Variants in OCRL observed in about 807,000 individuals in gnomAD.
OCRL encodes the protein inositol polyphosphate 5-phosphatase OCRL.
Under a neutral mutation model 78.9 loss-of-function variants are expected in OCRL, and 8 were observed. The observed-to-expected ratio is 0.10, with a 90% confidence interval of 0.06 to 0.18. The LOEUF is 0.18. Ranked by LOEUF, OCRL falls within the 10% of genes least tolerant of loss-of-function variation. OCRL has a pLI of 1.00. For synonymous variants in OCRL, 240 were observed against 235.4 expected (o/e 1.02, Z -0.18); for missense variants, 454 against 696.7 (o/e 0.65, Z 3.92).
At position 129,551,930 on chromosome X, in the gene OCRL, C is replaced by T. The variant is rs765559095; in HGVS notation, c.238+3329C>T. On this transcript the variant is annotated intron_variant, in intron 4 of 23. Coordinates refer to ENST00000371113, the MANE Select transcript of OCRL (RefSeq NM_000276.4). ...ACCAGGTAAAGGGAATCACAAGGCT[C>T]CAGGCTGGGAAGTAGCTTGACACTT... 1.1e-4 allele frequency among the ~76,000 whole-genome samples: 12 copies of T among 111,439 alleles called. No individual in the cohort carries two copies. The South Asian group carries it at 4.5e-3, about 42-fold the overall frequency.
rs765579520 is a variant in OCRL at position 129,564,136 on chromosome X, G to A, written c.1244+1350G>A. Among the ~76,000 whole-genome samples, 17 of 111,216 alleles carry A rather than the reference G, an allele frequency of 1.5e-4. No homozygotes were observed. In the South Asian group the frequency reaches 6.6e-3, roughly 43 times the overall value. ...CATGAAAAAATGCTCACCATCACTG[G>A]CCATCAGAGAAACGCAAATCAAAAC... On this transcript the variant is annotated intron_variant, in intron 12 of 23. Coordinates refer to ENST00000371113, the MANE Select transcript of OCRL (RefSeq NM_000276.4).
At chrX:129,541,112 G>GC (rs1264672358) in intron 2 of OCRL, among the ~76,000 whole-genome samples, 2 of 112,242 alleles carry the variant, frequency 1.8e-5, no homozygotes, top group African/African-American at 6.5e-5. Flanking sequence ...GTAACGTTGG[G>GC]CAAGTCAATA....
chrX:129,558,855 A>G lies in OCRL; in HGVS notation c.576A>G (p.Lys192=). The G allele has an allele frequency of 8.2e-7, 1 of 1,212,158 alleles. No individual in the cohort carries two copies. Among genetic ancestry groups the G allele is most frequent in the East Asian group, 3.0e-5 (1 of 33,873 alleles). ...FSVNKMLPRE[K]EASNKEQPKV... ...TATTTGCTAGGCTTCCACGTGAAAA[A>G]GAAGCTTCTAACAAGGAGCAGCCCA... Residue 192 remains lysine (K), a synonymous_variant, in exon 8 of 24, where the codon AAA becomes AAG. Transcript: ENST00000371113.
At chrX:129,544,919 T>C in intron 2 of OCRL, 39 bp from the exon 3 acceptor site, 1 of 849,757 alleles carries the variant, frequency 1.2e-6, no homozygotes, top group East Asian at 3.1e-5. Flanking sequence ...AAATGAGTTT[T>C]TCAGTGGCTG....
Position 129,540,263 on chromosome X carries a change from C to G in OCRL, c.-177C>G. 3.8e-6 allele frequency: 2 copies of G among 528,254 alleles called. No homozygotes were observed. The highest frequency in any genetic ancestry group is 6.3e-6 in the Non-Finnish European group (2 of 317,296). 43.5% of individuals were successfully genotyped at this position (528,254 alleles called of 1,213,427 possible). A position where few individuals can be genotyped will look rare whatever the true frequency, so the allele number is the denominator to read the frequency against. ...GCGGGGGCGCGAGGCGCCGCTCTCTCTTGGGTCAGATTCTCAGCTCCCAGC... is the reference window on the plus strand; with the variant it reads ...GCGGGGGCGCGAGGCGCCGCTCTCTGTTGGGTCAGATTCTCAGCTCCCAGC... On this transcript the variant is annotated 5_prime_UTR_variant, in exon 1 of 24. Coordinates refer to ENST00000371113, the MANE Select transcript of OCRL (RefSeq NM_000276.4).
In OCRL at chrX:129,591,347, G is replaced by A. The variant is rs1185245315; in HGVS notation, c.*1077G>A. ...TCTACAACCAGCTCCTTCACATAAA[G>A]GGTTTAGAGACTCCCCTTGGCTCCC... On this transcript the variant is annotated 3_prime_UTR_variant, in exon 24 of 24. Coordinates refer to ENST00000371113, the MANE Select transcript of OCRL (RefSeq NM_000276.4). The A allele has an allele frequency of 8.9e-6, 1 of 111,824 alleles. No individual in the cohort carries two copies. Among genetic ancestry groups the A allele is most frequent in the Non-Finnish European group, 1.9e-5 (1 of 53,199 alleles). 9.2% of individuals were successfully genotyped at this position (111,824 alleles called of 1,213,427 possible).
intron 4 of OCRL, among the ~76,000 whole-genome samples, chrX:129,555,000 T>TAAATAAATAAATAAAA (rs745690077): frequency 9.4e-5 from 9 of 95,576 alleles, no homozygotes; most frequent in African/African-American, 3.8e-4. Context: ...AATAAATAAA[T>TAAATAAATAAATAAAA]AAAAATAAGA....
chrX:129,555,469 G>A (rs1030781890), intron 4 of OCRL, among the ~76,000 whole-genome samples: 2 of 111,358 alleles, frequency 1.8e-5, no homozygotes, highest in Admixed American at 9.5e-5. Flanking sequence ...GCAAGACTCC[G>A]TCTCAAAAAA....
intron 16 of OCRL, 64 bp downstream of exon 16, chrX:129,575,314 A>G (rs1470181082): frequency 1.6e-5 from 12 of 768,491 alleles, no homozygotes; most frequent in Admixed American, 2.4e-5. Flanking sequence ...AGAAACTGCT[A>G]CTTAGAAAAG....
intron 3 of OCRL, 108 bp downstream of exon 3, chrX:129,545,145 G>A (rs775377176): frequency 1.0e-4 from 52 of 500,316 alleles, no homozygotes; most frequent in Non-Finnish European, 1.7e-4. Flanking sequence ...AAAATGAAAT[G>A]TATTACTCTT....
At chrX:129,547,238 A>G (rs1446239975) in intron 3 of OCRL, among the ~76,000 whole-genome samples, 2 of 110,479 alleles carry the variant, frequency 1.8e-5, no homozygotes, top group African/African-American at 6.6e-5. Flanking sequence ...AAAGAAAAAG[A>G]AAACCGGCTG....
At chrX:129,555,816 T>G (rs1936038974) in intron 4 of OCRL, among the ~76,000 whole-genome samples, 1 of 112,225 alleles carries the variant, frequency 8.9e-6, no homozygotes, top group Non-Finnish European at 1.9e-5. Context: ...ATAATAAGGG[T>G]TTTTGTTCTA....
At chrX:129,559,849 A>G (rs1370524398) in intron 8 of OCRL, among the ~76,000 whole-genome samples, 2 of 111,426 alleles carry the variant, frequency 1.8e-5, no homozygotes, top group Non-Finnish European at 3.8e-5. Flanking sequence ...ACCATGTGGC[A>G]TGTATCGCCA....
At chrX:129,558,600 TC>T in intron 6 of OCRL, 32 bp from the exon 7 acceptor site, 1 of 1,209,789 alleles carries the variant, frequency 8.3e-7, no homozygotes, top group South Asian at 1.8e-5. Context: ...TTAGATTTTT[TC>T]CCCGTTTGAC....
chrX:129,548,935 A>C (rs754101659), intron 4 of OCRL, among the ~76,000 whole-genome samples: 11 of 112,123 alleles, frequency 9.8e-5, no homozygotes, highest in Non-Finnish European at 1.9e-4. Context: ...AAAGCACATA[A>C]GGTTTATTGG....
At chrX:129,588,556 C>T (rs1051258636) in intron 21 of OCRL, among the ~76,000 whole-genome samples, 2 of 111,374 alleles carry the variant, frequency 1.8e-5, no homozygotes, top group East Asian at 2.8e-4. Context: ...GTCACTCCTG[C>T]CACCACACGT....
intron 19 of OCRL, among the ~76,000 whole-genome samples, chrX:129,586,648 G>A (rs1936515016): frequency 2.7e-5 from 3 of 112,126 alleles, no homozygotes; most frequent in Non-Finnish European, 5.6e-5. Context: ...TAATTTAATA[G>A]TCCCCAAGTC....
intron 4 of OCRL, among the ~76,000 whole-genome samples, chrX:129,550,184 T>C (rs1336357838): frequency 8.9e-6 from 1 of 112,594 alleles, no homozygotes; most frequent in East Asian, 2.8e-4. Context: ...TACAATTTAC[T>C]AATTCAGAAA....
At position 129,585,247 on chromosome X, in the gene OCRL, G is replaced by T. The variant is rs758487509; in HGVS notation, c.2139+880G>T. Among the ~76,000 whole-genome samples, 7 of 112,286 alleles carry T rather than the reference G, an allele frequency of 6.2e-5. No homozygotes were observed. In the South Asian group the frequency reaches 1.5e-3, roughly 24 times the overall value. On this transcript the variant is annotated intron_variant, in intron 19 of 23. Coordinates refer to ENST00000371113, the MANE Select transcript of OCRL (RefSeq NM_000276.4). ...GGAATTTGAAAATGAATAGTGGATG[G>T]TGTATATAATCTACTGACACTTTAT...
Sources: allele counts gnomAD v4.1 joint callset (sites outside exome capture counted in the v4.1 genomes callset), GRCh38; gene constraint gnomAD v4.1.1; transcripts MANE v1.5; gene names NCBI Gene and HGNC (gene_info 2026-07-23, HGNC 2026-07-21).